The following SVEP1 variants were observed in gnomAD, a reference collection of about 807,000 sequenced individuals.
SVEP1 encodes sushi, von Willebrand factor type A, EGF and pentraxin domain-containing protein 1.
In SVEP1, 164 loss-of-function variants were observed where a neutral mutation model predicts 367.3. That is an observed-to-expected ratio of 0.45 (90% CI 0.39 to 0.51). SVEP1 has a LOEUF of 0.51. SVEP1 is among the 20% of genes least tolerant of loss of function. The probability of loss-of-function intolerance (pLI) is 0.00; values close to 1 mark genes in which losing one functional copy is unlikely to be tolerated. For missense variants in SVEP1, 4,117 were observed against 4,425.3 expected, an observed-to-expected ratio of 0.93 and a Z score of 1.98; for synonymous variants, 1,666 against 1,611.6, an observed-to-expected ratio of 1.03 and a Z score of -0.81.
intron 46 of SVEP1, among the ~76,000 whole-genome samples, chr9:110,373,971 A>G (rs948338812): frequency 6.6e-6 from 1 of 152,046 alleles, no homozygotes; most frequent in Non-Finnish European, 1.5e-5. Context: ...GTTTTGTAAT[A>G]TTTTTCCATT....
At chr9:110,505,645 A>G (rs1829613914) in intron 5 of SVEP1, among the ~76,000 whole-genome samples, 1 of 152,046 alleles carries the variant, frequency 6.6e-6, no homozygotes, top group Non-Finnish European at 1.5e-5. Context: ...TTGAAGTATC[A>G]TATTATATAT....
chr9:110,427,451 T>C (rs896549578), intron 36 of SVEP1, 140 bp downstream of exon 36: 8 of 968,790 alleles, frequency 8.3e-6, no homozygotes, highest in South Asian at 1.8e-5. Flanking sequence ...TCTCTGCAGG[T>C]AGGAAATAAA....
rs981001862 is a variant in SVEP1, at chr9:110,564,470, A to G, written c.532-14366T>C. 3.3e-5 allele frequency among the ~76,000 whole-genome samples: 5 copies of G among 152,306 alleles called. No individual in the cohort carries two copies. The East Asian group carries it at 9.7e-4, about 29-fold the overall frequency. On this transcript the variant is annotated intron_variant, in intron 1 of 47. Coordinates refer to ENST00000374469, the MANE Select transcript of SVEP1 (RefSeq NM_153366.4). ...AACTCTGGAACGCTTGAAAAAGCCA[A>G]ATATATTTCAAATCAAATCTGACAC...
At chr9:110,456,578 C>T (rs1186101143) in intron 21 of SVEP1, among the ~76,000 whole-genome samples, 1 of 151,966 alleles carries the variant, frequency 6.6e-6, no homozygotes, top group Admixed American at 6.6e-5. Flanking sequence ...TGGTGAATTC[C>T]TTTACTTAAA....
At chr9:110,368,429 A>ATTAT (rs1827230060) in intron 47 of SVEP1, among the ~76,000 whole-genome samples, 1 of 152,184 alleles carries the variant, frequency 6.6e-6, no homozygotes, top group Admixed American at 6.5e-5. Flanking sequence ...TTAATTTGCC[A>ATTAT]TTATTTTTCT....
intron 3 of SVEP1, among the ~76,000 whole-genome samples, chr9:110,534,020 C>A (rs1351211812): frequency 6.6e-6 from 1 of 152,066 alleles, no homozygotes; most frequent in Admixed American, 6.6e-5. Flanking sequence ...GCTAAGTCCA[C>A]CACTTTTTTA....
intron 7 of SVEP1, among the ~76,000 whole-genome samples, chr9:110,498,079 T>C (rs1271085383): frequency 6.6e-6 from 1 of 152,230 alleles, no homozygotes; most frequent in African/African-American, 2.4e-5. Context: ...TACACATTGC[T>C]ACATTTCCTT....
In SVEP1 at chr9:110,400,920, C is replaced by A. The variant is rs1027975929; in HGVS notation, c.9756G>T (p.Val3252=). The A allele has an allele frequency of 6.2e-7, 1 of 1,613,908 alleles. No homozygotes were observed. Among genetic ancestry groups the A allele is most frequent in the East Asian group, 2.2e-5 (1 of 44,866 alleles). ...TTTCAAAGGTGTATTTACTGCCAAC[C>A]ACAAATCCATGTTCTGGACTTTCAG... ...GKPESPEHGF[V]VGSKYTFEST... Residue 3252 remains valine, a synonymous_variant, in exon 40 of 48, where the codon GTG becomes GTT. Coordinates refer to ENST00000374469, the MANE Select transcript of SVEP1 (RefSeq NM_153366.4).
At chr9:110,477,407 C>T (rs959668347) in intron 13 of SVEP1, among the ~76,000 whole-genome samples, 9 of 152,246 alleles carry the variant, frequency 5.9e-5, no homozygotes, top group Admixed American at 3.3e-4. Flanking sequence ...GTTCTGCTTC[C>T]CCACACCTGT....
chr9:110,437,029 C>G (rs563038261), intron 27 of SVEP1, among the ~76,000 whole-genome samples: 123 of 152,306 alleles, frequency 8.1e-4, no homozygotes, highest in African/African-American at 2.9e-3. Flanking sequence ...ACTTGCCTTT[C>G]TGGGTGTGCT....
intron 9 of SVEP1, among the ~76,000 whole-genome samples, chr9:110,485,007 G>A (rs532933691): frequency 2.0e-4 from 30 of 152,282 alleles, no homozygotes; most frequent in South Asian, 4.1e-4. Context: ...TAGTTCAACC[G>A]TTGTGGATGA....
At chr9:110,550,495 T>C (rs1035887098) in intron 1 of SVEP1, among the ~76,000 whole-genome samples, 1 of 150,392 alleles carries the variant, frequency 6.6e-6, no homozygotes, top group Non-Finnish European at 1.5e-5. Flanking sequence ...TCTATCTATC[T>C]ATCTATCTAT....
chr9:110,541,871 ATC>A (rs1830154295), intron 3 of SVEP1, among the ~76,000 whole-genome samples: 3 of 142,256 alleles, frequency 2.1e-5, no homozygotes, highest in Non-Finnish European at 3.0e-5. Flanking sequence ...ATACATAGAT[ATC>A]TATATATATC....
At chr9:110,414,352 C>T (rs1828086999) in intron 36 of SVEP1, among the ~76,000 whole-genome samples, 1 of 151,974 alleles carries the variant, frequency 6.6e-6, no homozygotes, top group Non-Finnish European at 1.5e-5. Flanking sequence ...GAGCTATATG[C>T]AGCCACCTTA....
chr9:110,389,224 GA>G (rs1432243197), intron 41 of SVEP1, among the ~76,000 whole-genome samples: 1 of 145,104 alleles, frequency 6.9e-6, no homozygotes, highest in Non-Finnish European at 1.6e-5. Context: ...AATTATTTGA[GA>G]AAACCCCCCC....
In SVEP1 at chr9:110,579,374, G is replaced by T; in HGVS notation, c.170C>A (p.Ala57Glu). The T allele has an allele frequency of 6.4e-7, 1 of 1,561,758 alleles. No individual in the cohort carries two copies. The highest frequency in any genetic ancestry group is 1.2e-5 in the South Asian group (1 of 85,116). The change falls in exon 1 of 48, where the codon GCG becomes GAG. Residue 57 changes from alanine to glutamate, a missense_variant. By Grantham distance (107) the Ala-to-Glu change is moderately radical. This residue lies in a region of SVEP1 where 161 missense variants were observed against 122.4 expected (regional missense o/e 1.32). Transcript: ENST00000374469. The surrounding 1 kb of genome is among the most constrained non-coding windows in gnomAD (Gnocchi z 5.3). ...GCCCAGCCGCTCCACTCTGCTCCCC[G>T]CCGCTTCGTCGCCAGGAGCGGGCGG... ...PAPPAPGDEA[A>E]GSRVERLGQA...
At chr9:110,440,945 T>C (rs867882681) in intron 27 of SVEP1, among the ~76,000 whole-genome samples, 2 of 152,202 alleles carry the variant, frequency 1.3e-5, no homozygotes, top group Non-Finnish European at 2.9e-5. Flanking sequence ...AGTTAGGCCA[T>C]AGGAATGCAA....
At chr9:110,394,476 C>A (rs1007736827) in intron 40 of SVEP1, among the ~76,000 whole-genome samples, 1 of 152,158 alleles carries the variant, frequency 6.6e-6, no homozygotes, top group East Asian at 1.9e-4. Flanking sequence ...CAGCTCCTCA[C>A]CAGCAACAGA....
At chr9:110,391,535 G>C (rs1361240579) in intron 40 of SVEP1, among the ~76,000 whole-genome samples, 1 of 152,134 alleles carries the variant, frequency 6.6e-6, no homozygotes, top group African/African-American at 2.4e-5. Context: ...GCCTCCCAAA[G>C]TGCTGAGGTT....
Sources: allele counts gnomAD v4.1 joint callset (sites outside exome capture counted in the v4.1 genomes callset), GRCh38; gene constraint gnomAD v4.1.1; regional missense constraint gnomAD v4.1.1; non-coding constraint Gnocchi (gnomAD v3.1); transcripts MANE v1.5; gene names NCBI Gene and HGNC (gene_info 2026-07-23, HGNC 2026-07-21).